Variants in RELN observed in about 807,000 individuals in gnomAD.
RELN encodes the protein reelin.
A neutral mutation model predicts 427.6 loss-of-function variants in RELN; 108 were observed. The ratio of observed to expected loss-of-function variants is 0.25; its 90% CI spans 0.22 to 0.30. The LOEUF is 0.30. RELN is among the 10% of genes least tolerant of loss of function. RELN has a pLI of 1.00. For missense variants in RELN, 3,715 were observed against 4,302.8 expected, an observed-to-expected ratio of 0.86 and a Z score of 3.82; for synonymous variants, 1,524 against 1,513.4, an observed-to-expected ratio of 1.01 and a Z score of -0.16.
chr7:103,852,832 AC>A (rs1793857422), intron 2 of RELN, among the ~76,000 whole-genome samples: 1 of 152,094 alleles, frequency 6.6e-6, no homozygotes, highest in Non-Finnish European at 1.5e-5. Context: ...CCATAAGAAA[AC>A]ATCAACAGTT....
At position 103,988,069 on chromosome 7, in the gene RELN, T is replaced by C. The variant is rs187585324; in HGVS notation, c.226+1062A>G. On this transcript the variant is annotated intron_variant, in intron 1 of 64. Transcript: ENST00000428762. This position sits in a 1 kb window ranked among gnomAD's most constrained non-coding sequence, Gnocchi z 4.9. ...CCAATGATTGTTAGCCTATTAGAGA[T>C]AGAAACTATTAACAGGAGCCTACTG... Among the ~76,000 whole-genome samples the C allele has an allele frequency of 4.9e-4, 74 of 152,308 alleles. No homozygotes were observed. Among genetic ancestry groups the C allele is most frequent in the African/African-American group, 1.7e-3 (71 of 41,560 alleles).
intron 2 of RELN, among the ~76,000 whole-genome samples, chr7:103,885,613 A>T (rs1004400073): frequency 1.3e-5 from 2 of 152,136 alleles, no homozygotes; most frequent in Admixed American, 1.3e-4. Context: ...AGGGAGGGAT[A>T]CCATTAGGAG....
At position 103,697,845 on chromosome 7, in the gene RELN, G is replaced by A. The variant is rs746816738; in HGVS notation, c.1143+8C>T. The A allele has an allele frequency of 6.2e-7, 1 of 1,613,446 alleles. No individual in the cohort carries two copies. Among genetic ancestry groups the A allele is most frequent in the Non-Finnish European group, 8.5e-7 (1 of 1,179,632 alleles). ...TAAAACAACCCAAAAACTAAAAAGA[G>A]CTCTAACCTTAACTGTAGCTCCTGG... On this transcript the variant is annotated splice_region_variant and intron_variant, in intron 10 of 64. Transcript: ENST00000428762.
chr7:103,931,073 C>G (rs992549071), intron 1 of RELN, among the ~76,000 whole-genome samples: 1 of 152,024 alleles, frequency 6.6e-6, no homozygotes, highest in African/African-American at 2.4e-5. Context: ...AGCCTCTGGC[C>G]AGGGGATCAG....
chr7:103,801,115 G>A (rs1262710973), intron 3 of RELN, among the ~76,000 whole-genome samples: 1 of 152,098 alleles, frequency 6.6e-6, no homozygotes, highest in Non-Finnish European at 1.5e-5. Flanking sequence ...AAATAGGAAT[G>A]CTATTACACT....
At chr7:103,730,032 G>A (rs1279900224) in intron 6 of RELN, among the ~76,000 whole-genome samples, 3 of 152,002 alleles carry the variant, frequency 2.0e-5, no homozygotes, top group Non-Finnish European at 2.9e-5. Flanking sequence ...TTTATAGTAG[G>A]CTCCTTACTT....
At chr7:103,565,656 T>A in intron 33 of RELN, 105 bp from the exon 34 acceptor site, 1 of 1,022,974 alleles carries the variant, frequency 9.8e-7, no homozygotes, top group Non-Finnish European at 1.5e-6. Context: ...AATCATGGCC[T>A]ATCTTTAGTG....
intron 2 of RELN, among the ~76,000 whole-genome samples, chr7:103,855,382 G>A (rs775396744): frequency 1.3e-5 from 2 of 152,206 alleles, no homozygotes; most frequent in Non-Finnish European, 2.9e-5. Flanking sequence ...ACAATGGGAA[G>A]TGACCACTGG....
intron 8 of RELN, among the ~76,000 whole-genome samples, chr7:103,706,930 C>T (rs1385932648): frequency 6.6e-6 from 1 of 152,176 alleles, no homozygotes; most frequent in East Asian, 1.9e-4. Context: ...CATTCCTCTC[C>T]TTTCTCTGCC....
At chr7:103,904,122 T>C (rs1229941411) in intron 2 of RELN, among the ~76,000 whole-genome samples, 1 of 152,158 alleles carries the variant, frequency 6.6e-6, no homozygotes, top group African/African-American at 2.4e-5. Flanking sequence ...TTTCTATTCC[T>C]GTGTTAGTTT....
At chr7:103,909,699 T>G (rs1355719049) in intron 2 of RELN, among the ~76,000 whole-genome samples, 2 of 59,630 alleles carry the variant, frequency 3.4e-5, no homozygotes, top group African/African-American at 1.9e-4. Context: ...ATATATATAT[T>G]TAATATATAT....
At chr7:103,615,891 T>G (rs557449191) in intron 20 of RELN, among the ~76,000 whole-genome samples, 1 of 152,200 alleles carries the variant, frequency 6.6e-6, no homozygotes, top group Non-Finnish European at 1.5e-5. Flanking sequence ...AATCAGTTTC[T>G]GCATTCTTCC....
intron 2 of RELN, among the ~76,000 whole-genome samples, chr7:103,887,504 C>T (rs1425475759): frequency 2.6e-5 from 4 of 152,080 alleles, no homozygotes; most frequent in Non-Finnish European, 5.9e-5. Flanking sequence ...AAGGGACATC[C>T]AAAGTGCAAA....
chr7:103,641,371 TAA>T (rs1832690237), intron 16 of RELN, among the ~76,000 whole-genome samples: 1 of 152,204 alleles, frequency 6.6e-6, no homozygotes, highest in Non-Finnish European at 1.5e-5. Flanking sequence ...TATTGTAAAA[TAA>T]ACTTTCCTGT....
chr7:103,826,245 C>G (rs1401819610), intron 3 of RELN, among the ~76,000 whole-genome samples: 1 of 150,698 alleles, frequency 6.6e-6, no homozygotes. Context: ...GAACCATTAG[C>G]CAAAAATCTT....
At chr7:103,901,662 T>A (rs1584348806) in intron 2 of RELN, among the ~76,000 whole-genome samples, 1 of 152,028 alleles carries the variant, frequency 6.6e-6, no homozygotes, top group Non-Finnish European at 1.5e-5. Context: ...TCACATGTTG[T>A]ATGTTTCCAT....
At chr7:103,849,165 A>G (rs1324774031) in intron 2 of RELN, among the ~76,000 whole-genome samples, 1 of 152,210 alleles carries the variant, frequency 6.6e-6, no homozygotes, top group Non-Finnish European at 1.5e-5. Context: ...TTTGCATAAT[A>G]TTTGTAATCT....
intron 46 of RELN, among the ~76,000 whole-genome samples, chr7:103,534,777 G>C (rs1319438189): frequency 6.6e-6 from 1 of 152,124 alleles, no homozygotes; most frequent in Non-Finnish European, 1.5e-5. Flanking sequence ...CCTTTCCATA[G>C]AGACAAGAAT....
Position 103,545,245 on chromosome 7 carries a change from C to T in RELN, c.6402G>A (p.Glu2134=), listed in dbSNP as rs1364095339. Residue 2134 remains glutamate, a synonymous_variant, in exon 42 of 65, where the codon GAG becomes GAA. Transcript: ENST00000428762. The stretch of plus-strand genomic sequence containing the variant: ...TACAGCTCCCCTGTCCATTACACAT[C>T]TCCTCACACTGGGGACCGATGTAGA... The part of the protein sequence containing the change: ...DNVYIGPQCE[E]MCNGQGSCIN... The T allele has an allele frequency of 1.2e-6, 2 of 1,613,966 alleles. No homozygotes were observed. Among genetic ancestry groups the T allele is most frequent in the South Asian group, 1.1e-5 (1 of 91,078 alleles).
Sources: allele counts gnomAD v4.1 joint callset (sites outside exome capture counted in the v4.1 genomes callset), GRCh38; gene constraint gnomAD v4.1.1; non-coding constraint Gnocchi (gnomAD v3.1); transcripts MANE v1.5; gene names NCBI Gene and HGNC (gene_info 2026-07-23, HGNC 2026-07-21).